The following FAM234B variants were observed in gnomAD, a reference collection of about 807,000 sequenced individuals.
The protein encoded by FAM234B is protein FAM234B.
FAM234B carries 33 observed loss-of-function variants against 69.3 expected under a neutral mutation model. The observed-to-expected ratio is 0.48, with a 90% CI of 0.36 to 0.64. FAM234B has a LOEUF of 0.64. Among genes scored for constraint, FAM234B ranks in the 30% least tolerant of loss-of-function variants. The probability of loss-of-function intolerance (pLI) is 0.00; values close to 1 mark genes in which losing one functional copy is unlikely to be tolerated. For synonymous variants in FAM234B, 306 were observed against 306.9 expected, an observed-to-expected ratio of 1.00 and a Z score of 0.03; for missense variants, 697 against 769.7, an observed-to-expected ratio of 0.91 and a Z score of 1.12.
chr12:13,049,590 A>G (rs573583839), intron 1 of FAM234B, among the ~76,000 whole-genome samples: 1 of 152,250 alleles, frequency 6.6e-6, no homozygotes, highest in East Asian at 1.9e-4. Flanking sequence ...TATTCTTTTT[A>G]TGTCTCTGAC....
At chr12:13,080,057 A>C in intron 12 of FAM234B, 48 bp downstream of exon 12, 6 of 1,356,300 alleles carry the variant, frequency 4.4e-6, no homozygotes, top group Non-Finnish European at 6.0e-6. Context: ...TAGGACAAAT[A>C]CTACCAATTC....
Position 13,055,642 on chromosome 12 carries a change from G to A in FAM234B, c.129G>A (p.Lys43=). 1 of 1,614,242 alleles carries A rather than the reference G, an allele frequency of 6.2e-7. No individual in the cohort carries two copies. Among genetic ancestry groups the A allele is most frequent in the Non-Finnish European group, 8.5e-7 (1 of 1,180,048 alleles). Residue 43 remains lysine, a synonymous_variant, in exon 2 of 13, where the codon AAG becomes AAA. Transcript: ENST00000197268. ...SEDDLVLNLQ[K]NGGVKNGKSP... ...ACGATCTGGTGCTTAACCTGCAGAAGAATGGAGGGGTCAAAAATGGGAAGA... is the reference window on the plus strand; with the variant it reads ...ACGATCTGGTGCTTAACCTGCAGAAAAATGGAGGGGTCAAAAATGGGAAGA...
intron 9 of FAM234B, 73 bp from the exon 10 acceptor site, chr12:13,071,168 T>C (rs1034457060): frequency 1.5e-5 from 22 of 1,508,786 alleles, no homozygotes; most frequent in Non-Finnish European, 2.0e-5. Context: ...TGTGCATTTT[T>C]GTGTGTGCAT....
At chr12:13,056,299 C>T (rs1864930142) in intron 2 of FAM234B, among the ~76,000 whole-genome samples, 3 of 152,122 alleles carry the variant, frequency 2.0e-5, no homozygotes, top group Admixed American at 2.0e-4. Context: ...CCTGGTTGCA[C>T]CAGGGATAGA....
intron 1 of FAM234B, among the ~76,000 whole-genome samples, chr12:13,049,346 A>C (rs1864848979): frequency 6.6e-6 from 1 of 152,108 alleles, no homozygotes; most frequent in African/African-American, 2.4e-5. Context: ...CACGTGGCAA[A>C]TTTTTGTATT....
At chr12:13,064,384 C>A (rs1477019601) in intron 5 of FAM234B, among the ~76,000 whole-genome samples, 1 of 152,146 alleles carries the variant, frequency 6.6e-6, no homozygotes, top group Non-Finnish European at 1.5e-5. Context: ...TATGGGGAGA[C>A]ACGGCAAGCC....
chr12:13,076,309 C>T (rs1479561400), intron 11 of FAM234B, among the ~76,000 whole-genome samples, 166 bp downstream of exon 11: 1 of 152,222 alleles, frequency 6.6e-6, no homozygotes, highest in South Asian at 2.1e-4. Flanking sequence ...GGAATGCTCC[C>T]CTGGGTGGAA....
In FAM234B at chr12:13,067,434, T is replaced by A; in HGVS notation, c.1142+138T>A. The A allele has an allele frequency of 1.1e-6, 1 of 889,530 alleles. No homozygotes were observed. Among genetic ancestry groups the A allele is most frequent in the Non-Finnish European group, 1.7e-6 (1 of 578,508 alleles). The allele number at this position is 889,530 out of a possible 1,614,324, so 55.1% of individuals were successfully genotyped here. A position where few individuals can be genotyped will look rare whatever the true frequency, so the allele number is the denominator to read the frequency against. On this transcript the variant is annotated intron_variant, in intron 7 of 12. Transcript: ENST00000197268. This position sits in a 1 kb window ranked among gnomAD's most constrained non-coding sequence, Gnocchi z 4.7. Reference sequence around the variant, plus strand: ...CAGTGCTTATCTTAATTTACCATCTTCTGATCTGGTTAACATGAGTTAGAA... The same window carrying A: ...CAGTGCTTATCTTAATTTACCATCTACTGATCTGGTTAACATGAGTTAGAA...
rs1400836923 is a variant in FAM234B at position 13,082,870 on chromosome 12, GA to G, written c.*2243del. 1 of 152,296 alleles carries G rather than the reference GA, an allele frequency of 6.6e-6. No individual in the cohort carries two copies. Among genetic ancestry groups the G allele is most frequent in the African/African-American group, 2.4e-5 (1 of 41,566 alleles). 9.4% of individuals were successfully genotyped at this position (152,296 alleles called of 1,614,324 possible). ...CCCAGAAAGATAAGAGGAAGCTAGAGAAACTTAATGTACCTGAATTCTTCAT... is the reference window on the plus strand; with the variant it reads ...CCCAGAAAGATAAGAGGAAGCTAGAGAACTTAATGTACCTGAATTCTTCAT... On this transcript the variant is annotated 3_prime_UTR_variant, in exon 13 of 13. Transcript: ENST00000197268.
chr12:13,053,896 T>C (rs1864901182), intron 1 of FAM234B, among the ~76,000 whole-genome samples: 1 of 152,142 alleles, frequency 6.6e-6, no homozygotes, highest in South Asian at 2.1e-4. Flanking sequence ...AATGCATTCC[T>C]TCCCCAGGGT....
At chr12:13,054,144 G>A (rs1226564612) in intron 1 of FAM234B, among the ~76,000 whole-genome samples, 3 of 152,168 alleles carry the variant, frequency 2.0e-5, no homozygotes, top group African/African-American at 7.2e-5. Context: ...GTGGTCCTGA[G>A]GTGACGTACA....
At chr12:13,058,002 G>A (rs921273030) in intron 2 of FAM234B, among the ~76,000 whole-genome samples, 5 of 152,216 alleles carry the variant, frequency 3.3e-5, no homozygotes, top group African/African-American at 9.7e-5. Flanking sequence ...TATCTGTTTG[G>A]TTGGAGTAGA....
At chr12:13,066,539 A>G in intron 5 of FAM234B, 101 bp from the exon 6 acceptor site, 2 of 1,303,074 alleles carry the variant, frequency 1.5e-6, no homozygotes, top group Non-Finnish European at 2.1e-6. Context: ...AGTGTTTCTG[A>G]GCCCGTGGCT....
At position 13,044,684 on chromosome 12, in the gene FAM234B, C is replaced by T. The variant is rs1204522346; in HGVS notation, c.37+244C>T. ...AACCCGGAGACGCGCGGGGAGAGGG[C>T]GCCGAGCAGGTGTTACGGCGGGGAA... On this transcript the variant is annotated intron_variant, in intron 1 of 12. Coordinates refer to ENST00000197268, the MANE Select transcript of FAM234B (RefSeq NM_020853.2). This position sits in a 1 kb window ranked among gnomAD's most constrained non-coding sequence, Gnocchi z 5.6. 6.6e-6 allele frequency among the ~76,000 whole-genome samples: 1 copy of T among 152,208 alleles called. No homozygotes were observed. The highest frequency in any genetic ancestry group is 1.9e-4 in the East Asian group (1 of 5,186).
At chr12:13,070,295 T>C (rs1345262406) in intron 9 of FAM234B, among the ~76,000 whole-genome samples, 3 of 151,476 alleles carry the variant, frequency 2.0e-5, no homozygotes, top group Admixed American at 1.3e-4. Flanking sequence ...CCAAAGGCAA[T>C]CTTGAAGTGC....
At chr12:13,050,660 A>G (rs1864866084) in intron 1 of FAM234B, among the ~76,000 whole-genome samples, 1 of 152,112 alleles carries the variant, frequency 6.6e-6, no homozygotes, top group African/African-American at 2.4e-5. Flanking sequence ...TCTTTTGGCT[A>G]GTTGTGTGAT....
At chr12:13,068,607 G>T in intron 8 of FAM234B, 23 bp from the exon 9 acceptor site, 1 of 1,600,786 alleles carries the variant, frequency 6.2e-7, no homozygotes, top group Non-Finnish European at 8.6e-7. Flanking sequence ...ACTATTGATT[G>T]CTTACTTTGT....
At chr12:13,047,917 T>C (rs1193116883) in intron 1 of FAM234B, among the ~76,000 whole-genome samples, 3 of 152,214 alleles carry the variant, frequency 2.0e-5, no homozygotes, top group African/African-American at 7.2e-5. Flanking sequence ...CGCTCTCTTA[T>C]TGTCTTTCTG....
At chr12:13,061,955 T>C (rs1235662244) in intron 4 of FAM234B, among the ~76,000 whole-genome samples, 192 bp downstream of exon 4, 1 of 151,888 alleles carries the variant, frequency 6.6e-6, no homozygotes, top group Non-Finnish European at 1.5e-5. Flanking sequence ...TGGTTCAACC[T>C]GTTTGGTGAT....
Sources: gnomAD v4.1 joint callset for allele counts (sites outside exome capture counted in the v4.1 genomes callset) on GRCh38, gnomAD v4.1.1 for gene constraint, Gnocchi (gnomAD v3.1) non-coding constraint, MANE v1.5 for transcripts, NCBI Gene and HGNC (gene_info 2026-07-23, HGNC 2026-07-21) for gene names.